Variants in ARHGAP28 observed in about 807,000 individuals in gnomAD.
ARHGAP28 encodes Rho GTPase activating protein 28.
A neutral mutation model predicts 90.7 loss-of-function variants in ARHGAP28; 56 were observed. That is an observed-to-expected ratio of 0.62 (90% CI 0.50 to 0.77). ARHGAP28 has a LOEUF of 0.77. Among genes scored for constraint, ARHGAP28 ranks in the 30% least tolerant of loss-of-function variants. ARHGAP28 has a pLI of 0.00. For missense variants in ARHGAP28, 869 were observed against 900.9 expected (o/e 0.96, Z 0.45); for synonymous variants, 308 against 323.3 (o/e 0.95, Z 0.51).
chr18:6,772,070 G>A (rs988085763), intron 1 of ARHGAP28, among the ~76,000 whole-genome samples: 1 of 152,038 alleles, frequency 6.6e-6, no homozygotes, highest in African/African-American at 2.4e-5. Flanking sequence ...AACCATTAAT[G>A]AATCCCACTG....
intron 14 of ARHGAP28, among the ~76,000 whole-genome samples, chr18:6,892,277 T>C (rs1215043541): frequency 1.3e-5 from 2 of 152,050 alleles, no homozygotes; most frequent in Non-Finnish European, 2.9e-5. Context: ...GCCTCCCAGG[T>C]AGCTGGGATT....
chr18:6,860,433 C>T (rs139547129), intron 5 of ARHGAP28, among the ~76,000 whole-genome samples: 17 of 152,270 alleles, frequency 1.1e-4, no homozygotes, highest in Middle Eastern at 3.4e-3. Flanking sequence ...TTCCCCCTCC[C>T]GTCACCCCCA....
chr18:6,797,968 A>C (rs2056454147), intron 1 of ARHGAP28, among the ~76,000 whole-genome samples: 1 of 152,112 alleles, frequency 6.6e-6, no homozygotes, highest in Non-Finnish European at 1.5e-5. Flanking sequence ...CCGAAACACA[A>C]TTTTTTAAAC....
intron 16 of ARHGAP28, among the ~76,000 whole-genome samples, chr18:6,900,039 A>G (rs1366492249): frequency 2.0e-5 from 3 of 151,798 alleles, no homozygotes; most frequent in Non-Finnish European, 2.9e-5. Flanking sequence ...GTTTTCCCCC[A>G]CCCTGGTGGC....
chr18:6,890,632 C>A, intron 14 of ARHGAP28, 89 bp downstream of exon 14: 1 of 730,418 alleles, frequency 1.4e-6, no homozygotes. Context: ...CATTTAGAAC[C>A]AAGCATTTTA....
chr18:6,772,826 C>T (rs1164555845), intron 1 of ARHGAP28, among the ~76,000 whole-genome samples: 1 of 151,994 alleles, frequency 6.6e-6, no homozygotes, highest in Admixed American at 6.6e-5. Context: ...CATCTGCCTC[C>T]GCCTCCCGGG....
At chr18:6,892,929 G>A (rs1341901952) in intron 14 of ARHGAP28, among the ~76,000 whole-genome samples, 3 of 152,194 alleles carry the variant, frequency 2.0e-5, no homozygotes, top group East Asian at 3.9e-4. Flanking sequence ...AGAACCTGAG[G>A]ATCAGCCAGA....
chr18:6,747,800 G>A (rs538777111), intron 1 of ARHGAP28, among the ~76,000 whole-genome samples: 7 of 152,158 alleles, frequency 4.6e-5, no homozygotes, highest in African/African-American at 7.2e-5. Context: ...GCCAGTATTC[G>A]GACTTCACAT....
rs368008575 is a variant in ARHGAP28, at chr18:6,839,292, A to ATTTTT, written c.543+1893_543+1897dup. ...AGTTAGATTCACATTAACCAGCATA[A>ATTTTT]TTTTTTTTTTTTTTTTTTTGAGACA... On this transcript the variant is annotated intron_variant, in intron 3 of 17. Coordinates refer to ENST00000383472, the MANE Select transcript of ARHGAP28 (RefSeq NM_001366230.1). Among the ~76,000 whole-genome samples, 19 of 133,958 alleles carry ATTTTT rather than the reference A, an allele frequency of 1.4e-4. 1 individual carries two copies. The highest frequency in any genetic ancestry group is 1.0e-3 in the Admixed American group (13 of 12,910). The allele number at this position is 133,958 out of a possible 152,430, so 87.9% of individuals were successfully genotyped here. A position where few individuals can be genotyped will look rare whatever the true frequency, so the allele number is the denominator to read the frequency against.
chr18:6,763,078 A>ATGGT (rs1185388234), intron 1 of ARHGAP28, among the ~76,000 whole-genome samples: 3 of 146,698 alleles, frequency 2.0e-5, no homozygotes, highest in Non-Finnish European at 3.1e-5. Flanking sequence ...TATGAGAGGG[A>ATGGT]TGGTTGTTTG....
At chr18:6,821,624 C>T (rs1036782523) in intron 1 of ARHGAP28, among the ~76,000 whole-genome samples, 4 of 152,122 alleles carry the variant, frequency 2.6e-5, no homozygotes, top group African/African-American at 9.7e-5. Context: ...GAGAGCTCTT[C>T]CAAGTGCTCT....
intron 1 of ARHGAP28, among the ~76,000 whole-genome samples, chr18:6,741,532 T>C (rs1415718346): frequency 1.3e-5 from 2 of 152,174 alleles, no homozygotes; most frequent in East Asian, 3.9e-4. Flanking sequence ...TCATTGCTTA[T>C]AAGAAGCCCA....
chr18:6,893,867 G>GT (rs5822929), intron 14 of ARHGAP28, among the ~76,000 whole-genome samples: 100,300 of 130,796 alleles, frequency 0.77, 39,200 homozygotes, highest in Non-Finnish European at 0.84. Context: ...TTGCTTTTTG[G>GT]TTTTTTTTTT....
intron 1 of ARHGAP28, among the ~76,000 whole-genome samples, chr18:6,758,120 T>C (rs2056127272): frequency 6.6e-6 from 1 of 152,222 alleles, no homozygotes; most frequent in Admixed American, 6.5e-5. Context: ...GGAATTCTTT[T>C]GACCTGTGTC....
chr18:6,892,045 A>G (rs189237642), intron 14 of ARHGAP28, among the ~76,000 whole-genome samples: 51 of 152,340 alleles, frequency 3.3e-4, no homozygotes, highest in Non-Finnish European at 5.4e-4. Context: ...GACTCATGAT[A>G]GGCAAAGTGA....
chr18:6,909,163 CAT>C (rs1194820844), intron 17 of ARHGAP28, 139 bp downstream of exon 17: 21 of 578,326 alleles, frequency 3.6e-5, no homozygotes, highest in South Asian at 7.6e-5. Context: ...ATTTTTATCT[CAT>C]GTGGGAACAG....
At chr18:6,844,380 G>T (rs1232047692) in intron 3 of ARHGAP28, among the ~76,000 whole-genome samples, 2 of 152,140 alleles carry the variant, frequency 1.3e-5, no homozygotes, top group Non-Finnish European at 2.9e-5. Context: ...GAAGACAACA[G>T]ACTGGATTTG....
intron 1 of ARHGAP28, among the ~76,000 whole-genome samples, chr18:6,802,600 GCCTCCCAAAATGCTAGAATTAC>G (rs1230505295): frequency 6.6e-6 from 1 of 151,830 alleles, no homozygotes; most frequent in Non-Finnish European, 1.5e-5. Context: ...GCCCACCTTG[GCCTCCCAAAATGCTAGAATTAC>G]AGGCTTTAGC....
chr18:6,763,621 G>A (rs892388986), intron 1 of ARHGAP28, among the ~76,000 whole-genome samples: 2 of 152,108 alleles, frequency 1.3e-5, no homozygotes, highest in African/African-American at 2.4e-5. Flanking sequence ...TCAAAACTCC[G>A]GGAGCACAAA....
Sources: gnomAD v4.1 joint callset for allele counts (sites outside exome capture counted in the v4.1 genomes callset) on GRCh38, gnomAD v4.1.1 for gene constraint, MANE v1.5 for transcripts, NCBI Gene and HGNC (gene_info 2026-07-23, HGNC 2026-07-21) for gene names.